Variants in NCOA3 observed in about 807,000 individuals in gnomAD.
The protein encoded by NCOA3 is nuclear receptor coactivator 3.
NCOA3 carries 51 observed loss-of-function variants against 158.8 expected under a neutral mutation model. The observed-to-expected ratio is 0.32, with a 90% confidence interval of 0.26 to 0.41. The LOEUF (loss-of-function observed/expected upper bound fraction) is 0.41, where lower values mean the gene tolerates loss of function less well. Ranked by LOEUF, NCOA3 falls within the 10% of genes least tolerant of loss-of-function variation. The probability of loss-of-function intolerance (pLI) is 1.00; values close to 1 mark genes in which losing one functional copy is unlikely to be tolerated. For missense variants in NCOA3, 1,510 were observed against 1,746.6 expected (o/e 0.86, Z 2.41); for synonymous variants, 537 against 592.4 (o/e 0.91, Z 1.36).
intron 1 of NCOA3, among the ~76,000 whole-genome samples, chr20:47,530,274 T>A (rs569863354): frequency 2.4e-4 from 36 of 152,318 alleles, no homozygotes; most frequent in African/African-American, 8.4e-4. Flanking sequence ...TGAGAAGATA[T>A]ATAATCATCC....
intron 6 of NCOA3, 62 bp downstream of exon 6, chr20:47,627,238 A>C: frequency 3.0e-6 from 4 of 1,320,694 alleles, no homozygotes; most frequent in African/African-American, 1.5e-5. Flanking sequence ...ATTTCTTAGA[A>C]AATTGAATGT....
chr20:47,617,510 T>C (rs1045221684), intron 2 of NCOA3, among the ~76,000 whole-genome samples: 3 of 152,212 alleles, frequency 2.0e-5, no homozygotes, highest in African/African-American at 7.2e-5. Context: ...TCTAGATCTA[T>C]TGTGTCTGTG....
intron 1 of NCOA3, among the ~76,000 whole-genome samples, chr20:47,511,556 T>TATATATATACACACACACATACACATA (rs1569310943): frequency 3.3e-5 from 1 of 30,198 alleles, no homozygotes. Flanking sequence ...TATATATATA[T>TATATATATACACACACACATACACATA]TTCTTTTTTT....
chr20:47,601,966 T>C (rs1477861325), intron 2 of NCOA3, among the ~76,000 whole-genome samples: 2 of 152,252 alleles, frequency 1.3e-5, no homozygotes, highest in Non-Finnish European at 2.9e-5. Context: ...GCACACATGC[T>C]CAACATATGT....
At chr20:47,649,496 TAAAG>T (rs1297563249) in intron 19 of NCOA3, among the ~76,000 whole-genome samples, 2 of 152,000 alleles carry the variant, frequency 1.3e-5, no homozygotes, top group African/African-American at 4.8e-5. Context: ...AAGAAGAAAA[TAAAG>T]AATACATAAT....
chr20:47,506,854 G>A (rs2084038766), intron 1 of NCOA3, among the ~76,000 whole-genome samples: 1 of 152,006 alleles, frequency 6.6e-6, no homozygotes. Context: ...CCTATGAAAA[G>A]GTATTCTGTT....
chr20:47,507,741 C>T (rs983934518), intron 1 of NCOA3, among the ~76,000 whole-genome samples: 1 of 152,064 alleles, frequency 6.6e-6, no homozygotes, highest in African/African-American at 2.4e-5. Context: ...GCCTCAGCCT[C>T]GTGAGTAGCT....
At chr20:47,517,160 AT>A (rs1011405409) in intron 1 of NCOA3, among the ~76,000 whole-genome samples, 1 of 152,130 alleles carries the variant, frequency 6.6e-6, no homozygotes, top group African/African-American at 2.4e-5. Context: ...GGAGGTTGCC[AT>A]GAGCTGAGAT....
chr20:47,606,904 C>T (rs543117180), intron 2 of NCOA3, among the ~76,000 whole-genome samples: 1 of 152,248 alleles, frequency 6.6e-6, no homozygotes, highest in East Asian at 1.9e-4. Context: ...AAACTTGAAT[C>T]GGCCACCATG....
chr20:47,616,354 C>T (rs896798210), intron 2 of NCOA3, among the ~76,000 whole-genome samples: 73 of 151,654 alleles, frequency 4.8e-4, no homozygotes, highest in African/African-American at 1.4e-3. Context: ...TCACCACGCC[C>T]GGCTAATTTT....
At chr20:47,622,121 GA>G in intron 2 of NCOA3, 107 bp from the exon 3 acceptor site, 1 of 586,898 alleles carries the variant, frequency 1.7e-6, no homozygotes. Context: ...TCTGTTTAGA[GA>G]AAGTAGTTCT....
chr20:47,541,196 C>T (rs1019589424), intron 1 of NCOA3, among the ~76,000 whole-genome samples: 1 of 151,968 alleles, frequency 6.6e-6, no homozygotes, highest in Admixed American at 6.6e-5. Flanking sequence ...GCCACGTTTT[C>T]AATCAGTTGT....
chr20:47,562,728 T>C (rs534263701), intron 1 of NCOA3, among the ~76,000 whole-genome samples: 23 of 152,306 alleles, frequency 1.5e-4, no homozygotes, highest in African/African-American at 4.8e-4. Context: ...TTGGAAAATT[T>C]GGGATACTTT....
chr20:47,530,070 A>G (rs1247258548), intron 1 of NCOA3, among the ~76,000 whole-genome samples: 1 of 152,236 alleles, frequency 6.6e-6, no homozygotes, highest in Non-Finnish European at 1.5e-5. Flanking sequence ...CTTATCAGTG[A>G]TAAAATGGCA....
At chr20:47,646,822 C>G (rs2086692780) in intron 17 of NCOA3, among the ~76,000 whole-genome samples, 1 of 152,122 alleles carries the variant, frequency 6.6e-6, no homozygotes, top group African/African-American at 2.4e-5. Flanking sequence ...GCACAGTACA[C>G]CTGGTTCTTG....
intron 7 of NCOA3, 48 bp from the exon 8 acceptor site, chr20:47,627,874 A>C: frequency 6.3e-7 from 1 of 1,586,776 alleles, no homozygotes; most frequent in African/African-American, 1.3e-5. Flanking sequence ...GAACATATAT[A>C]TCCAAAAGTT....
At chr20:47,565,242 A>C (rs182353695) in intron 1 of NCOA3, among the ~76,000 whole-genome samples, 1 of 152,106 alleles carries the variant, frequency 6.6e-6, no homozygotes, top group African/African-American at 2.4e-5. Flanking sequence ...CGGCCTCCCA[A>C]TGTGCTAGGA....
chr20:47,656,226 A>G lies in NCOA3; in HGVS notation c.*2809A>G, dbSNP rs2086871937. ...AAAGGAGATACATGTTTCTTCCTTT[A>G]AAAAATAAACGGAAGTTACATTGTT... is the stretch of plus-strand genomic sequence containing the variant. On this transcript the variant is annotated 3_prime_UTR_variant, in exon 23 of 23. Coordinates refer to ENST00000371998, the MANE Select transcript of NCOA3 (RefSeq NM_181659.3). 1 of 151,310 alleles carries G rather than the reference A, an allele frequency of 6.6e-6. No homozygotes were observed. The highest frequency in any genetic ancestry group is 1.5e-5 in the Non-Finnish European group (1 of 67,892). 9.4% of individuals were successfully genotyped at this position (151,310 alleles called of 1,614,324 possible).
At chr20:47,652,636 C>A (rs1253156952) in intron 21 of NCOA3, 56 bp downstream of exon 21, 18 of 1,517,034 alleles carry the variant, frequency 1.2e-5, no homozygotes, top group Admixed American at 1.9e-5. Flanking sequence ...AGTCCAAGAA[C>A]TTAATGTATT....
Sources: gnomAD v4.1 joint callset for allele counts (sites outside exome capture counted in the v4.1 genomes callset) on GRCh38, gnomAD v4.1.1 for gene constraint, MANE v1.5 for transcripts, NCBI Gene and HGNC (gene_info 2026-07-23, HGNC 2026-07-21) for gene names.